The following NTHL1 variants were observed in gnomAD, a reference collection of about 807,000 sequenced individuals.
The protein encoded by NTHL1 is nth like DNA glycosylase 1.
NTHL1 carries 32 observed loss-of-function variants against 32.3 expected under a neutral mutation model. The observed-to-expected ratio is 0.99, with a 90% CI of 0.75 to 1.33. The LOEUF is 1.33. Among genes scored for constraint, NTHL1 ranks in the 40% most tolerant of loss-of-function variants. The pLI is 0.00. For missense variants in NTHL1, 501 were observed against 414.1 expected (o/e 1.21, Z -1.82); for synonymous variants, 188 against 176.9 (o/e 1.06, Z -0.50).
intron 2 of NTHL1, 35 bp downstream of exon 2, chr16:2,046,093 G>C: frequency 6.5e-7 from 1 of 1,538,676 alleles, no homozygotes; most frequent in Non-Finnish European, 9.0e-7. Flanking sequence ...TTGCTAAGAT[G>C]GGGGGTCATC....
At chr16:2,045,480 A>G (rs550458592) in intron 2 of NTHL1, among the ~76,000 whole-genome samples, 2 of 151,846 alleles carry the variant, frequency 1.3e-5, no homozygotes, top group Non-Finnish European at 2.9e-5. Flanking sequence ...TCTTTCACCC[A>G]GGCTGAAGTG....
At chr16:2,040,082 G>A (rs1484885593) in intron 5 of NTHL1, 35 bp from the exon 6 acceptor site, 5 of 1,612,586 alleles carry the variant, frequency 3.1e-6, no homozygotes, top group Non-Finnish European at 4.2e-6. Context: ...TGCTGACAGA[G>A]GGCGGGCGGG....
intron 1 of NTHL1, among the ~76,000 whole-genome samples, chr16:2,046,620 A>G (rs1374649725): frequency 6.6e-6 from 1 of 152,098 alleles, no homozygotes; most frequent in Non-Finnish European, 1.5e-5. Flanking sequence ...TACATCTTCT[A>G]TACTGCACCA....
Position 2,044,665 on chromosome 16 carries a change from G to C in NTHL1, c.490C>G (p.Leu164Val). The change falls in exon 3 of 6, where the codon CTG (leucine) becomes GTG (valine). Residue 164 changes from leucine (L) to valine (V), a missense_variant. Transcript: ENST00000651570. The surrounding 1 kb of genome is among the most constrained non-coding windows in gnomAD (Gnocchi z 5.0). ...CCGACGGGGTAGATGAGCTTGCCCAGCGTGGCATCATCTGTCTGCAGGATG... is the reference window on the plus strand; with the variant it reads ...CCGACGGGGTAGATGAGCTTGCCCACCGTGGCATCATCTGTCTGCAGGATG... ...DSILQTDDAT[L>V]GKLIYPVGFW... 1 of 1,609,892 alleles carries C rather than the reference G, an allele frequency of 6.2e-7. No homozygotes were observed. Among genetic ancestry groups the C allele is most frequent in the Non-Finnish European group, 8.5e-7 (1 of 1,179,942 alleles).
At chr16:2,040,295 C>A in intron 4 of NTHL1, 57 bp from the exon 5 acceptor site, 1 of 1,518,102 alleles carries the variant, frequency 6.6e-7, no homozygotes, top group South Asian at 1.1e-5. Context: ...TAGCCCGTGC[C>A]CCTCCCCGCC....
intron 4 of NTHL1, chr16:2,041,899 C>T (rs895915310): frequency 2.3e-5 from 9 of 384,752 alleles, no homozygotes; most frequent in African/African-American, 6.3e-5. Flanking sequence ...TGAGCCACCA[C>T]GCCTGGCCAC....
chr16:2,040,018 A>T lies in NTHL1; in HGVS notation c.821T>A (p.Leu274Ter), dbSNP rs1486594694. 1 of 1,611,946 alleles carries T rather than the reference A, an allele frequency of 6.2e-7. No individual in the cohort carries two copies. ...ACAGGTCTGCTGGCCGAAGCCCACC[A>T]AGAGTCCATTGATCTCGTGCCACAG... ...RELWHEINGLLVGFGQQTCLP... is the reference protein window; with the variant it reads ...RELWHEINGL Residue 274 changes from leucine (L) to a stop codon, truncating the protein, a stop_gained, in exon 6 of 6, where the codon TTG becomes TAG. Coordinates refer to ENST00000651570, the MANE Select transcript of NTHL1 (RefSeq NM_002528.7). LOFTEE classifies it high-confidence loss of function.
Position 2,043,505 on chromosome 16 carries a change from G to A in NTHL1, c.685+62C>T. 2 of 1,591,664 alleles carry A rather than the reference G, an allele frequency of 1.3e-6. No individual in the cohort carries two copies. Among genetic ancestry groups the A allele is most frequent in the South Asian group, 1.1e-5 (1 of 90,720 alleles). On this transcript the variant is annotated intron_variant, in intron 4 of 5. Coordinates refer to ENST00000651570, the MANE Select transcript of NTHL1 (RefSeq NM_002528.7). The surrounding 1 kb of genome is among the most constrained non-coding windows in gnomAD (Gnocchi z 4.4). ...CTGGAAGTGGAGTCACAGGTCACAA[G>A]GATGTGGGGAATCCCAAGAGCAGCC...
Position 2,043,648 on chromosome 16 carries a change from C to A in NTHL1, c.604G>T (p.Glu202Ter), listed in dbSNP as rs919177150. Reference protein sequence around the residue: ...YGGDIPASVAELVALPGVGPK... With the variant: ...YGGDIPASVA ...CCAACACCCGGCAGCGCCACCAGCT[C>A]GGCCACAGAGGCTGGGATGTCCCCA... is the stretch of plus-strand genomic sequence containing the variant. Residue 202 changes from glutamate to a stop codon, truncating the protein, a stop_gained, in exon 4 of 6, where the codon GAG (glutamate) becomes TAG (stop). Coordinates refer to ENST00000651570, the MANE Select transcript of NTHL1 (RefSeq NM_002528.7). LOFTEE classifies it high-confidence loss of function. The surrounding 1 kb of genome is among the most constrained non-coding windows in gnomAD (Gnocchi z 4.4). The A allele has an allele frequency of 1.4e-5, 23 of 1,611,614 alleles. No individual in the cohort carries two copies. The highest frequency in any genetic ancestry group is 1.8e-5 in the Non-Finnish European group (21 of 1,179,986).
chr16:2,047,323 C>G (rs927365426), intron 1 of NTHL1: 1 of 286,136 alleles, frequency 3.5e-6, no homozygotes, highest in African/African-American at 2.3e-5. Flanking sequence ...CACCCTCCCC[C>G]GAGCTGGGGG....
rs779450940 is a variant in NTHL1, at chr16:2,040,255, C to G, written c.686-17G>C. 6.2e-7 allele frequency: 1 copy of G among 1,610,096 alleles called. No individual in the cohort carries two copies. Among genetic ancestry groups the G allele is most frequent in the Non-Finnish European group, 8.5e-7 (1 of 1,177,922 alleles). ...TGTCCACTGCTGCTGGGAGGCCAAG[C>G]GGGGTGAACAGGGGCACACTCCACC... On this transcript the variant is annotated splice_polypyrimidine_tract_variant and intron_variant, in intron 4 of 5. Coordinates refer to ENST00000651570, the MANE Select transcript of NTHL1 (RefSeq NM_002528.7).
In NTHL1 at chr16:2,044,146, T is replaced by A; in HGVS notation, c.526-420A>T. 3.0e-6 allele frequency: 1 copy of A among 335,984 alleles called. No homozygotes were observed. The allele number at this position is 335,984 out of a possible 1,614,324, so 20.8% of individuals were successfully genotyped here. ...TCCTGTGCCTGAGTGGAGAGGGCTA[T>A]TTAAAACCCATCTGAGAAACTGCGG... is the stretch of plus-strand genomic sequence containing the variant. On this transcript the variant is annotated intron_variant, in intron 3 of 5. Transcript: ENST00000651570. This position sits in a 1 kb window ranked among gnomAD's most constrained non-coding sequence, Gnocchi z 5.0.
chr16:2,046,038 G>A, intron 2 of NTHL1, 90 bp downstream of exon 2: 2 of 1,016,132 alleles, frequency 2.0e-6, no homozygotes, highest in Non-Finnish European at 3.0e-6. Context: ...GTCTGCAGGG[G>A]AGGGTGCCAG....
At chr16:2,041,038 C>T (rs949525488) in intron 4 of NTHL1, among the ~76,000 whole-genome samples, 6 of 152,254 alleles carry the variant, frequency 3.9e-5, no homozygotes, top group African/African-American at 1.2e-4. Context: ...GGCGTCTGCT[C>T]ACTGGGGCTC....
chr16:2,045,958 G>A (rs1596221857), intron 2 of NTHL1, among the ~76,000 whole-genome samples, 170 bp downstream of exon 2: 4 of 152,200 alleles, frequency 2.6e-5, no homozygotes, highest in Admixed American at 2.6e-4. Context: ...CTGGTGTCCT[G>A]ACCTGCTGAG....
In NTHL1 at chr16:2,044,596, C is replaced by T. The variant is rs1205125352; in HGVS notation, c.525+34G>A. The T allele has an allele frequency of 6.3e-7, 1 of 1,598,040 alleles. No homozygotes were observed. The highest frequency in any genetic ancestry group is 1.3e-5 in the African/African-American group (1 of 74,868). Reference sequence around the variant, plus strand: ...TTCTGAGGTCTCTCTCAGGCCACTGCCACCCGGCCCCCGTTGCCACAGGCA... The same window carrying T: ...TTCTGAGGTCTCTCTCAGGCCACTGTCACCCGGCCCCCGTTGCCACAGGCA... On this transcript the variant is annotated intron_variant, in intron 3 of 5. Coordinates refer to ENST00000651570, the MANE Select transcript of NTHL1 (RefSeq NM_002528.7). This position sits in a 1 kb window ranked among gnomAD's most constrained non-coding sequence, Gnocchi z 5.0.
Position 2,043,537 on chromosome 16 carries a change from CT to C in NTHL1, c.685+29del. ...GGGAATCCCAAGAGCAGCCAGTGGG[CT>C]GGAGCCAGCCCCGCCCTCCTCTACT... On this transcript the variant is annotated intron_variant, in intron 4 of 5. Coordinates refer to ENST00000651570, the MANE Select transcript of NTHL1 (RefSeq NM_002528.7). The surrounding 1 kb of genome is among the most constrained non-coding windows in gnomAD (Gnocchi z 4.4). The C allele has an allele frequency of 6.2e-7, 1 of 1,600,794 alleles. No homozygotes were observed. Among genetic ancestry groups the C allele is most frequent in the Non-Finnish European group, 8.5e-7 (1 of 1,179,694 alleles).
intron 4 of NTHL1, among the ~76,000 whole-genome samples, chr16:2,042,382 C>T (rs1299843613): frequency 2.0e-5 from 3 of 152,204 alleles, no homozygotes; most frequent in African/African-American, 7.2e-5. Flanking sequence ...CCCCGGCGCA[C>T]CTGGCCTGGC....
At chr16:2,047,660 C>G (rs2084508682) in intron 1 of NTHL1, 49 bp downstream of exon 1, 1 of 1,536,732 alleles carries the variant, frequency 6.5e-7, no homozygotes, top group African/African-American at 1.4e-5. Context: ...CTCCAGCCTG[C>G]AGCCCCTATC....
Sources: allele counts gnomAD v4.1 joint callset (sites outside exome capture counted in the v4.1 genomes callset), GRCh38; gene constraint gnomAD v4.1.1; non-coding constraint Gnocchi (gnomAD v3.1); transcripts MANE v1.5; gene names NCBI Gene and HGNC (gene_info 2026-07-23, HGNC 2026-07-21).